The following IL16 variants were observed in gnomAD, a reference collection of about 807,000 sequenced individuals.
IL16 encodes the protein pro-interleukin-16.
In IL16, 67 loss-of-function variants were observed where a neutral mutation model predicts 110.1. That is an observed-to-expected ratio of 0.61 (90% CI 0.50 to 0.75). The LOEUF is 0.75. IL16 is among the 30% of genes least tolerant of loss of function. IL16 has a pLI of 0.00. For synonymous variants in IL16, 689 were observed against 662.9 expected, an observed-to-expected ratio of 1.04 and a Z score of -0.61; for missense variants, 1,545 against 1,655.0, an observed-to-expected ratio of 0.93 and a Z score of 1.15.
intron 2 of IL16, among the ~76,000 whole-genome samples, chr15:81,233,459 CTGTGTGTGTGTGTG>C (rs5814049): frequency 0.011 from 1,626 of 143,462 alleles, 33 homozygotes; most frequent in African/African-American, 0.039. Flanking sequence ...TCTTCTCTTT[CTGTGTGTGTGTGTG>C]TGTGTGTGTG....
At chr15:81,198,804 G>A (rs1179244857) in intron 1 of IL16, among the ~76,000 whole-genome samples, 1 of 151,452 alleles carries the variant, frequency 6.6e-6, no homozygotes, top group Non-Finnish European at 1.5e-5. Flanking sequence ...CGGATCACTT[G>A]AGGTCAGGAG....
At position 81,300,231 on chromosome 15, in the gene IL16, C is replaced by T; in HGVS notation, c.2905C>T (p.Leu969=). The T allele has an allele frequency of 1.2e-6, 2 of 1,614,244 alleles. No individual in the cohort carries two copies. The highest frequency in any genetic ancestry group is 1.7e-6 in the Non-Finnish European group (2 of 1,180,050). ...MPSQRARSFP[L]TRSQSCETKL... Reference sequence around the variant, plus strand: ...TAGCCAGCGAGCACGGAGCTTCCCCCTGACCAGGTCCCAGTCCTGTGAGAC... The same window carrying T: ...TAGCCAGCGAGCACGGAGCTTCCCCTTGACCAGGTCCCAGTCCTGTGAGAC... The change falls in exon 14 of 19, where the codon CTG becomes TTG. Residue 969 remains leucine (L), a synonymous_variant. Transcript: ENST00000683961.
chr15:81,214,571 G>A (rs554886994), intron 1 of IL16, among the ~76,000 whole-genome samples: 4 of 150,940 alleles, frequency 2.7e-5, no homozygotes, highest in South Asian at 2.1e-4. Context: ...TGTTTGCATT[G>A]ACCTTGGTGA....
At chr15:81,206,070 A>T (rs1488055774) in intron 1 of IL16, among the ~76,000 whole-genome samples, 1 of 152,272 alleles carries the variant, frequency 6.6e-6, no homozygotes, top group Non-Finnish European at 1.5e-5. Flanking sequence ...ACCACTGTTA[A>T]GATTTTTTCA....
At chr15:81,184,268 C>G (rs1895386341) in intron 1 of IL16, among the ~76,000 whole-genome samples, 1 of 152,220 alleles carries the variant, frequency 6.6e-6, no homozygotes, top group Non-Finnish European at 1.5e-5. Context: ...CCTGGCTGCA[C>G]TGCCTTTGGT....
At chr15:81,196,852 T>G, upstream of IL16, 1 of 1,151,812 alleles carries the variant, frequency 8.7e-7, no homozygotes, top group South Asian at 1.8e-5. Context: ...ATCAGGAGTC[T>G]TCGAGCAAAT....
intron 1 of IL16, among the ~76,000 whole-genome samples, chr15:81,212,046 A>G (rs1177608288): frequency 6.6e-6 from 1 of 151,860 alleles, no homozygotes; most frequent in African/African-American, 2.4e-5. Flanking sequence ...CTCCTCCTCA[A>G]TTTTTTGGAA....
chr15:81,266,509 A>G (rs1311453623), intron 4 of IL16, among the ~76,000 whole-genome samples: 2 of 152,150 alleles, frequency 1.3e-5, no homozygotes, highest in African/African-American at 2.4e-5. Flanking sequence ...AAGCAGATAT[A>G]AAGCACAGTG....
intron 16 of IL16, among the ~76,000 whole-genome samples, chr15:81,304,913 C>T (rs1317339872): frequency 2.0e-5 from 3 of 152,200 alleles, no homozygotes; most frequent in Admixed American, 1.3e-4. Context: ...TGCATGCTAT[C>T]ACTCAGTCCT....
chr15:81,306,740 C>A lies in IL16; in HGVS notation c.3805+195C>A, dbSNP rs1054566394. The A allele has an allele frequency of 5.8e-6, 4 of 684,212 alleles. No individual in the cohort carries two copies. The Admixed American group carries it at 6.5e-5, about 11-fold the overall frequency. 42.4% of individuals were successfully genotyped at this position (684,212 alleles called of 1,614,324 possible). A position where few individuals can be genotyped will look rare whatever the true frequency, so the allele number is the denominator to read the frequency against. On this transcript the variant is annotated intron_variant, in intron 18 of 18. Transcript: ENST00000683961. ...CCTTTGCTCAGACATCCCCTCAATC[C>A]CCCCTCTGTTTTGATGGGTCTTCAA...
At chr15:81,212,090 C>T (rs974862094) in intron 1 of IL16, among the ~76,000 whole-genome samples, 13 of 151,180 alleles carry the variant, frequency 8.6e-5, no homozygotes, top group Non-Finnish European at 1.6e-4. Flanking sequence ...GTTCTTTGTA[C>T]ATCTGGCAGA....
chr15:81,202,676 A>G (rs1195009047), intron 1 of IL16, among the ~76,000 whole-genome samples: 1 of 152,172 alleles, frequency 6.6e-6, no homozygotes, highest in Non-Finnish European at 1.5e-5. Context: ...ATGGCTGCAT[A>G]GTATTCCATG....
At position 81,290,554 on chromosome 15, in the gene IL16, T is replaced by C; in HGVS notation, c.1420+14T>C. ...GGAGTCTGGAAGGTAAGACAAATGGTGAACTTTGATGTAAAATATCTTTGC... is the reference window on the plus strand; with the variant it reads ...GGAGTCTGGAAGGTAAGACAAATGGCGAACTTTGATGTAAAATATCTTTGC... On this transcript the variant is annotated intron_variant, in intron 11 of 18. Coordinates refer to ENST00000683961, the MANE Select transcript of IL16 (RefSeq NM_172217.5). 1 of 1,538,614 alleles carries C rather than the reference T, an allele frequency of 6.5e-7. No individual in the cohort carries two copies. Among genetic ancestry groups the C allele is most frequent in the African/African-American group, 1.4e-5 (1 of 72,806 alleles).
intron 6 of IL16, among the ~76,000 whole-genome samples, chr15:81,276,392 C>T (rs912455160): frequency 2.0e-5 from 3 of 152,118 alleles, no homozygotes; most frequent in Admixed American, 6.5e-5. Context: ...GATGATGTGG[C>T]GGGGAGGGCT....
chr15:81,203,346 T>C (rs534861780), intron 1 of IL16, among the ~76,000 whole-genome samples: 1 of 152,328 alleles, frequency 6.6e-6, no homozygotes, highest in East Asian at 1.9e-4. Context: ...TTGGTCAATT[T>C]TGTCTTTTGT....
intron 10 of IL16, among the ~76,000 whole-genome samples, chr15:81,288,945 G>A (rs1256572436): frequency 6.6e-6 from 1 of 152,012 alleles, no homozygotes; most frequent in African/African-American, 2.4e-5. Context: ...AATGAACGTG[G>A]AGTACAGATT....
chr15:81,208,430 G>A (rs1369667969), intron 1 of IL16, among the ~76,000 whole-genome samples: 12 of 152,134 alleles, frequency 7.9e-5, no homozygotes, highest in South Asian at 2.1e-4. Context: ...AGGTTCCAGC[G>A]ATTCTCTTGC....
chr15:81,220,196 G>A (rs1896566883), intron 1 of IL16, among the ~76,000 whole-genome samples: 1 of 152,122 alleles, frequency 6.6e-6, no homozygotes, highest in South Asian at 2.1e-4. Flanking sequence ...GTGCAGTGCT[G>A]TGATTTCGGC....
At chr15:81,226,336 GTCA>G (rs1171324233) in intron 2 of IL16, among the ~76,000 whole-genome samples, 1 of 152,162 alleles carries the variant, frequency 6.6e-6, no homozygotes, top group Non-Finnish European at 1.5e-5. Flanking sequence ...TTCAATTTTT[GTCA>G]TCATAATGAG....
Sources: gnomAD v4.1 joint callset for allele counts (sites outside exome capture counted in the v4.1 genomes callset) on GRCh38, gnomAD v4.1.1 for gene constraint, MANE v1.5 for transcripts, NCBI Gene and HGNC (gene_info 2026-07-23, HGNC 2026-07-21) for gene names.